Variants in WDR41 observed in about 807,000 individuals in gnomAD.
WDR41 encodes the protein WD repeat-containing protein 41.
A neutral mutation model predicts 69.3 loss-of-function variants in WDR41; 63 were observed. The ratio of observed to expected loss-of-function variants is 0.91; its 90% CI spans 0.74 to 1.12. WDR41 has a LOEUF of 1.12. Among genes scored for constraint, WDR41 ranks in the 50% most tolerant of loss-of-function variants. The pLI is 0.00. For missense variants in WDR41, 543 were observed against 534.5 expected (o/e 1.02, Z -0.16); for synonymous variants, 185 against 192.1 (o/e 0.96, Z 0.31).
chr5:77,583,064 G>T, intron 1 of WDR41: 1 of 1,595,750 alleles, frequency 6.3e-7, no homozygotes, highest in Non-Finnish European at 8.5e-7. Context: ...TTTGTAGAAG[G>T]TAGAGATGCT....
At chr5:77,494,040 G>T (rs1801899430), upstream of WDR41, among the ~76,000 whole-genome samples, 1 of 151,880 alleles carries the variant, frequency 6.6e-6, no homozygotes, top group Non-Finnish European at 1.5e-5. Context: ...AAGGGTGGGG[G>T]TGGAGCAATA....
chr5:77,469,857 G>A (rs1278727401), intron 2 of WDR41, among the ~76,000 whole-genome samples: 2 of 152,276 alleles, frequency 1.3e-5, no homozygotes, highest in South Asian at 4.1e-4. Flanking sequence ...ACACTCTGCA[G>A]GATATTATAC....
chr5:77,613,118 C>A (rs1351086548), intron 1 of WDR41, among the ~76,000 whole-genome samples: 2 of 151,244 alleles, frequency 1.3e-5, no homozygotes, highest in African/African-American at 2.4e-5. Context: ...AGGAGAACTA[C>A]AAACCACTGC....
At chr5:77,434,071 T>C (rs1798839520) in intron 12 of WDR41, among the ~76,000 whole-genome samples, 1 of 152,194 alleles carries the variant, frequency 6.6e-6, no homozygotes, top group African/African-American at 2.4e-5. Flanking sequence ...GGCTCACACC[T>C]GTAATCTCAG....
chr5:77,615,687 C>CAA (rs10695519), intron 1 of WDR41, among the ~76,000 whole-genome samples: 10,183 of 79,184 alleles, frequency 0.13, 1,011 homozygotes, highest in East Asian at 0.2. Context: ...TACTGCAAGT[C>CAA]AAAAAAAAAA....
chr5:77,496,830 G>A (rs528813848), upstream of WDR41, among the ~76,000 whole-genome samples: 14 of 152,202 alleles, frequency 9.2e-5, no homozygotes, highest in African/African-American at 3.1e-4. Flanking sequence ...AAATAAGGTT[G>A]GAGGACTCAC....
At chr5:77,609,013 G>A (rs954340955) in intron 1 of WDR41, among the ~76,000 whole-genome samples, 44 of 152,328 alleles carry the variant, frequency 2.9e-4, no homozygotes, top group African/African-American at 1.1e-3. Flanking sequence ...TCCCGCACCT[G>A]GCTCGGAGGG....
At chr5:77,596,688 A>T (rs191383558) in intron 1 of WDR41, among the ~76,000 whole-genome samples, 1 of 152,154 alleles carries the variant, frequency 6.6e-6, no homozygotes, top group Non-Finnish European at 1.5e-5. Context: ...AAATACAACA[A>T]CAACTAGCAC....
chr5:77,584,322 C>T (rs993804412), intron 1 of WDR41, among the ~76,000 whole-genome samples: 1 of 152,060 alleles, frequency 6.6e-6, no homozygotes, highest in South Asian at 2.1e-4. Context: ...GATGATATAA[C>T]CTTGTATGTA....
intron 4 of WDR41, among the ~76,000 whole-genome samples, chr5:77,462,863 A>G (rs947533473): frequency 6.6e-6 from 1 of 152,220 alleles, no homozygotes; most frequent in Non-Finnish European, 1.5e-5. Context: ...GTAACTCTGG[A>G]AAGAACAGCA....
chr5:77,466,199 T>G (rs1024619157), intron 2 of WDR41, among the ~76,000 whole-genome samples: 1 of 152,036 alleles, frequency 6.6e-6, no homozygotes, highest in Non-Finnish European at 1.5e-5. Flanking sequence ...TCATTTATTC[T>G]TATTTTAAAA....
chr5:77,457,412 T>C (rs1799878794), intron 5 of WDR41, among the ~76,000 whole-genome samples: 1 of 152,216 alleles, frequency 6.6e-6, no homozygotes. Flanking sequence ...ATATCTACCA[T>C]AATGTATTTT....
In WDR41 at chr5:77,433,227, AAAT is replaced by A. The variant is rs778319461; in HGVS notation, c.1285_1287del (p.Ile429del). 9.2e-5 allele frequency: 149 copies of A among 1,614,008 alleles called. 2 individuals carry two copies. In the South Asian group the frequency reaches 1.4e-3, roughly 15 times the overall value. On this transcript the variant is annotated inframe_deletion, in exon 13 of 13. Coordinates refer to ENST00000296679, the MANE Select transcript of WDR41 (RefSeq NM_018268.4). ...GATTCTCGCTCTCCATTTTTCCACA[AAAT>A]AATGAGATGATCAGCGGAGCACGTC...
intron 1 of WDR41, among the ~76,000 whole-genome samples, chr5:77,597,528 A>G (rs1051243311): frequency 2.6e-5 from 4 of 152,206 alleles, no homozygotes; most frequent in African/African-American, 9.7e-5. Context: ...CTATAGCAGC[A>G]AATACCTATG....
At position 77,436,347 on chromosome 5, in the gene WDR41, G is replaced by A. The variant is rs763569113; in HGVS notation, c.1141C>T (p.Gln381Ter). The change falls in exon 12 of 13, where the codon CAA (glutamine) becomes TAA (stop). Residue 381 changes from glutamine to a stop codon, truncating the protein, a stop_gained. Transcript: ENST00000296679. LOFTEE classifies it high-confidence loss of function. ...GFGRVSKQAS[Q>*]PVKKQQENAT... Reference sequence around the variant, plus strand: ...TTTTCTTGCTGCTTTTTAACAGGTTGGCTGGCTTGTTTGCTGACTCTTCCA... The same window carrying A: ...TTTTCTTGCTGCTTTTTAACAGGTTAGCTGGCTTGTTTGCTGACTCTTCCA... 1 of 1,614,044 alleles carries A rather than the reference G, an allele frequency of 6.2e-7. No individual in the cohort carries two copies. The highest frequency in any genetic ancestry group is 1.1e-5 in the South Asian group (1 of 91,068).
At chr5:77,483,558 G>A (rs188236220) in intron 2 of WDR41, among the ~76,000 whole-genome samples, 90 of 145,948 alleles carry the variant, frequency 6.2e-4, no homozygotes, top group African/African-American at 2.0e-3. Flanking sequence ...CTTCTTTTTC[G>A]CTCATTAACC....
At chr5:77,510,788 T>C (rs1379209253) in intron 1 of WDR41, among the ~76,000 whole-genome samples, 7 of 121,432 alleles carry the variant, frequency 5.8e-5, no homozygotes, top group Non-Finnish European at 9.0e-5. Flanking sequence ...TTTTTTTTTT[T>C]TGAGATGGAG....
intron 1 of WDR41, among the ~76,000 whole-genome samples, chr5:77,502,886 C>A (rs1383862569): frequency 6.6e-6 from 1 of 152,144 alleles, no homozygotes; most frequent in South Asian, 2.1e-4. Context: ...TGGAAATAAA[C>A]AACCAGTACC....
chr5:77,493,697 A>T (rs1418450224), upstream of WDR41, among the ~76,000 whole-genome samples: 1 of 152,170 alleles, frequency 6.6e-6, no homozygotes, highest in Non-Finnish European at 1.5e-5. Context: ...GGAAAGAGGG[A>T]CTTATCTTTA....
Sources: allele counts gnomAD v4.1 joint callset (sites outside exome capture counted in the v4.1 genomes callset), GRCh38; gene constraint gnomAD v4.1.1; transcripts MANE v1.5; gene names NCBI Gene and HGNC (gene_info 2026-07-23, HGNC 2026-07-21).